Variants in STXBP3 observed in about 807,000 individuals in gnomAD.
STXBP3 encodes the protein syntaxin-binding protein 3.
STXBP3 carries 41 observed loss-of-function variants against 85.7 expected under a neutral mutation model. The observed-to-expected ratio is 0.48, with a 90% confidence interval of 0.37 to 0.62. STXBP3 has a LOEUF of 0.62. Among genes scored for constraint, STXBP3 ranks in the 20% least tolerant of loss-of-function variants. The probability of loss-of-function intolerance (pLI) is 0.00; values close to 1 mark genes in which losing one functional copy is unlikely to be tolerated. For missense variants in STXBP3, 563 were observed against 703.1 expected (o/e 0.80, Z 2.25); for synonymous variants, 229 against 231.7 (o/e 0.99, Z 0.10).
chr1:108,759,405 G>C (rs553462547), intron 5 of STXBP3, among the ~76,000 whole-genome samples: 1 of 152,188 alleles, frequency 6.6e-6, no homozygotes, highest in East Asian at 1.9e-4. Flanking sequence ...TAAGGCTAAA[G>C]AATATCATGT....
intron 9 of STXBP3, chr1:108,782,122 T>G: frequency 3.8e-6 from 1 of 264,278 alleles, no homozygotes; most frequent in Non-Finnish European, 7.2e-6. Flanking sequence ...AGTCTTGTTC[T>G]TAAAGTTAAC....
intron 7 of STXBP3, among the ~76,000 whole-genome samples, chr1:108,773,609 A>T (rs1265594867): frequency 2.0e-5 from 3 of 152,178 alleles, no homozygotes; most frequent in Non-Finnish European, 4.4e-5. Flanking sequence ...CCAGCAGCTC[A>T]TGGCACAAGG....
chr1:108,776,687 C>G (rs917251052), intron 8 of STXBP3, among the ~76,000 whole-genome samples: 2 of 152,012 alleles, frequency 1.3e-5, no homozygotes, highest in African/African-American at 4.8e-5. Context: ...TAGTTAATGT[C>G]TATTTGGGCA....
At chr1:108,772,428 CAT>C (rs1301618904) in intron 6 of STXBP3, among the ~76,000 whole-genome samples, 1 of 132,226 alleles carries the variant, frequency 7.6e-6, no homozygotes, top group Non-Finnish European at 1.6e-5. Flanking sequence ...TATATAAATA[CAT>C]ATGATATCTA....
At chr1:108,786,152 G>T (rs1662820058) in intron 11 of STXBP3, among the ~76,000 whole-genome samples, 1 of 152,210 alleles carries the variant, frequency 6.6e-6, no homozygotes, top group Non-Finnish European at 1.5e-5. Context: ...TTTATAAAGA[G>T]ATTCAGTTGA....
chr1:108,767,813 C>T (rs1662300110), intron 6 of STXBP3, among the ~76,000 whole-genome samples: 1 of 152,038 alleles, frequency 6.6e-6, no homozygotes, highest in Admixed American at 6.5e-5. Context: ...TCTAGAACTC[C>T]TGAGCTCAAG....
At chr1:108,799,097 A>G (rs1663175683) in intron 16 of STXBP3, among the ~76,000 whole-genome samples, 1 of 152,218 alleles carries the variant, frequency 6.6e-6, no homozygotes, top group Admixed American at 6.5e-5. Flanking sequence ...TCATGATCAT[A>G]TAGTTTTTAT....
chr1:108,749,952 A>G (rs986818622), intron 1 of STXBP3, among the ~76,000 whole-genome samples: 12 of 152,278 alleles, frequency 7.9e-5, no homozygotes, highest in South Asian at 2.1e-4. Flanking sequence ...TTTTTGTGCT[A>G]AGGTTTTTTG....
chr1:108,792,911 A>G (rs552859638), intron 11 of STXBP3, among the ~76,000 whole-genome samples: 1 of 152,278 alleles, frequency 6.6e-6, no homozygotes, highest in African/African-American at 2.4e-5. Flanking sequence ...AGGTCTCTTT[A>G]CTTTGTCTAG....
chr1:108,789,409 A>T (rs951388712), intron 11 of STXBP3, among the ~76,000 whole-genome samples: 4 of 152,160 alleles, frequency 2.6e-5, no homozygotes, highest in African/African-American at 9.7e-5. Flanking sequence ...TGGCCCAGGG[A>T]AGCCAAAATA....
In STXBP3 at chr1:108,760,005, A is replaced by C; in HGVS notation, c.358A>C (p.Asn120His). The part of the protein sequence containing the change: ...FTDFCPDNLF[N>H]KIKASCSKSI... ...CTCAGTTTGCCCTGATAATCTCTTT[A>C]ACAAAATTAAGGCTTCTTGCTCCAA... Residue 120 changes from asparagine (N) to histidine (H), a missense_variant, in exon 6 of 19, where the codon AAC becomes CAC. Asn to His is a moderately conservative substitution (Grantham distance 68). Transcript: ENST00000370008. The C allele has an allele frequency of 6.4e-7, 1 of 1,572,770 alleles. No homozygotes were observed. The highest frequency in any genetic ancestry group is 2.4e-5 in the East Asian group (1 of 42,418).
Position 108,782,334 on chromosome 1 carries a change from T to G in STXBP3, c.810-88T>G, listed in dbSNP as rs1662732689. On this transcript the variant is annotated intron_variant, in intron 9 of 18. Transcript: ENST00000370008. ...TTTTACTTTTCAGTTTCTTGAGTTG[T>G]GTCTTGAAATTATTGTTTGTAAAAA... is the stretch of plus-strand genomic sequence containing the variant. 8.0e-6 allele frequency: 8 copies of G among 997,186 alleles called. No individual in the cohort carries two copies. In the Admixed American group the frequency reaches 2.1e-4, roughly 26 times the overall value. 61.8% of individuals were successfully genotyped at this position (997,186 alleles called of 1,614,324 possible).
At chr1:108,762,220 T>C (rs1237962681) in intron 6 of STXBP3, among the ~76,000 whole-genome samples, 1 of 152,198 alleles carries the variant, frequency 6.6e-6, no homozygotes, top group Admixed American at 6.5e-5. Context: ...TTGAATACTA[T>C]AAAGAGATTA....
At chr1:108,798,121 A>T (rs774883664) in intron 15 of STXBP3, 24 bp from the exon 16 acceptor site, 1 of 1,559,006 alleles carries the variant, frequency 6.4e-7, no homozygotes, top group Non-Finnish European at 8.7e-7. Context: ...CTGGTTTTTA[A>T]TTTTTTTCCT....
At chr1:108,783,867 G>A (rs931024657) in intron 11 of STXBP3, among the ~76,000 whole-genome samples, 7 of 152,150 alleles carry the variant, frequency 4.6e-5, no homozygotes, top group African/African-American at 1.4e-4. Flanking sequence ...CATTGCACGA[G>A]ATGGTATCTT....
At chr1:108,758,487 A>G (rs765730361) in intron 4 of STXBP3, 23 bp from the exon 5 acceptor site, 4 of 1,261,076 alleles carry the variant, frequency 3.2e-6, no homozygotes, top group Non-Finnish European at 4.4e-6. Context: ...TAAAATGTGT[A>G]TTAACATCTA....
chr1:108,796,397 T>G, intron 14 of STXBP3, 25 bp downstream of exon 14: 2 of 1,419,338 alleles, frequency 1.4e-6, no homozygotes, highest in Non-Finnish European at 1.9e-6. Context: ...CACTTTTTAA[T>G]AAGTATTTTA....
chr1:108,762,714 G>C (rs1433848105), intron 6 of STXBP3, among the ~76,000 whole-genome samples: 4 of 152,036 alleles, frequency 2.6e-5, no homozygotes, highest in Admixed American at 6.6e-5. Context: ...TATCCTGGGA[G>C]TGATCTTGTT....
At chr1:108,801,761 TGG>T (rs1371801382) in intron 17 of STXBP3, among the ~76,000 whole-genome samples, 1 of 151,882 alleles carries the variant, frequency 6.6e-6, no homozygotes, top group Admixed American at 6.6e-5. Flanking sequence ...CTCAAACGCA[TGG>T]GCTCAGGTGA....
Sources: allele counts gnomAD v4.1 joint callset (sites outside exome capture counted in the v4.1 genomes callset), GRCh38; gene constraint gnomAD v4.1.1; transcripts MANE v1.5; gene names NCBI Gene and HGNC (gene_info 2026-07-23, HGNC 2026-07-21).